Variants in AP3S2 observed in about 807,000 individuals in gnomAD.
AP3S2 encodes adaptor related protein complex 3 subunit sigma 2.
A neutral mutation model predicts 23.4 loss-of-function variants in AP3S2; 22 were observed. That is an observed-to-expected ratio of 0.94 (90% CI 0.67 to 1.34). The LOEUF (loss-of-function observed/expected upper bound fraction) is 1.34. AP3S2 is among the 40% of genes most tolerant of loss of function. The pLI is 0.00. For synonymous variants in AP3S2, 86 were observed against 87.1 expected (o/e 0.99, Z 0.07); for missense variants, 241 against 236.9 (o/e 1.02, Z -0.11).
intron 4 of AP3S2, 116 bp downstream of exon 4, chr15:89,871,359 T>C: frequency 3.1e-6 from 3 of 953,964 alleles, no homozygotes; most frequent in Non-Finnish European, 4.6e-6. Context: ...TCTAGGACTA[T>C]CTTAAGAGTA....
At chr15:89,879,104 C>A (rs925385477) in intron 3 of AP3S2, among the ~76,000 whole-genome samples, 5 of 152,246 alleles carry the variant, frequency 3.3e-5, no homozygotes, top group Non-Finnish European at 7.3e-5. Flanking sequence ...GTCTCAAACT[C>A]CAGGGCTTAA....
At chr15:89,884,615 A>G (rs1409775434) in intron 3 of AP3S2, among the ~76,000 whole-genome samples, 2 of 151,884 alleles carry the variant, frequency 1.3e-5, no homozygotes, top group Non-Finnish European at 2.9e-5. Context: ...ATTTTGTACC[A>G]GTACTAATAC....
Position 89,888,784 on chromosome 15 carries a change from T to G in AP3S2, c.162-152A>C, listed in dbSNP as rs1231624797. The G allele has an allele frequency of 3.3e-6, 3 of 913,738 alleles. No individual in the cohort carries two copies. The African/African-American group carries it at 5.0e-5, about 15-fold the overall frequency. The allele number at this position is 913,738 out of a possible 1,614,324, so 56.6% of individuals were successfully genotyped here. On this transcript the variant is annotated intron_variant, in intron 2 of 5. Transcript: ENST00000336418. Reference sequence around the variant, plus strand: ...CTTACTAGGTGAATGGCAACCAAGTTTGGCAGAGGTACCTAAAGCCACCTT... The same window carrying G: ...CTTACTAGGTGAATGGCAACCAAGTGTGGCAGAGGTACCTAAAGCCACCTT...
intron 5 of AP3S2, among the ~76,000 whole-genome samples, chr15:89,837,172 T>C (rs1895213806): frequency 1.3e-5 from 2 of 152,128 alleles, no homozygotes; most frequent in Admixed American, 1.3e-4. Context: ...ATAAGGAAAT[T>C]GGCAACTCTG....
At position 89,884,438 on chromosome 15, in the gene AP3S2, G is replaced by GAAGAGAC. The variant is rs1178234918; in HGVS notation, c.273+4076_273+4082dup. Among the ~76,000 whole-genome samples the GAAGAGAC allele has an allele frequency of 2.6e-5, 4 of 151,638 alleles. No homozygotes were observed. The East Asian group carries it at 7.7e-4, about 29-fold the overall frequency. ...TTAAAAAAAAACCACTCAACACACA[G>GAAGAGAC]AAGAGACAAAATGCAAAACAAACAA... On this transcript the variant is annotated intron_variant, in intron 3 of 5. Coordinates refer to ENST00000336418, the MANE Select transcript of AP3S2 (RefSeq NM_005829.5).
chr15:89,881,824 T>C (rs995621652), intron 3 of AP3S2, among the ~76,000 whole-genome samples: 2 of 143,844 alleles, frequency 1.4e-5, no homozygotes, highest in African/African-American at 5.1e-5. Context: ...ATACTCTTCA[T>C]TTTTTTTTTT....
At chr15:89,847,163 G>C (rs1260356722) in intron 4 of AP3S2, among the ~76,000 whole-genome samples, 2 of 151,752 alleles carry the variant, frequency 1.3e-5, no homozygotes, top group Non-Finnish European at 2.9e-5. Context: ...GATTGCTTGA[G>C]CCCAGGAGTT....
At chr15:89,892,031 T>C (rs1596226598) in intron 1 of AP3S2, among the ~76,000 whole-genome samples, 1 of 152,350 alleles carries the variant, frequency 6.6e-6, no homozygotes, top group African/African-American at 2.4e-5. Context: ...TATAATGGAA[T>C]ATTATTCAGC....
chr15:89,888,347 A>T (rs1468525257), intron 3 of AP3S2, among the ~76,000 whole-genome samples, 174 bp downstream of exon 3: 3 of 152,222 alleles, frequency 2.0e-5, no homozygotes, highest in African/African-American at 7.2e-5. Context: ...AAACCAATAA[A>T]TCTAAAAGTG....
chr15:89,870,711 A>G (rs1896298789), intron 4 of AP3S2, among the ~76,000 whole-genome samples: 1 of 152,162 alleles, frequency 6.6e-6, no homozygotes, highest in African/African-American at 2.4e-5. Context: ...GCAGTCTCCT[A>G]AAAAATCATC....
chr15:89,871,394 G>T, intron 4 of AP3S2, 81 bp downstream of exon 4: 1 of 1,273,400 alleles, frequency 7.9e-7, no homozygotes, highest in Non-Finnish European at 1.1e-6. Context: ...ACAATATGAA[G>T]ATGTAGAGGT....
chr15:89,874,577 C>A (rs1896398544), intron 3 of AP3S2, among the ~76,000 whole-genome samples: 1 of 152,078 alleles, frequency 6.6e-6, no homozygotes, highest in Non-Finnish European at 1.5e-5. Context: ...GAGTTTGAGA[C>A]CAGCCTGGGC....
chr15:89,871,301 AAAAAC>A (rs778535450), intron 4 of AP3S2, among the ~76,000 whole-genome samples, 169 bp downstream of exon 4: 2 of 152,198 alleles, frequency 1.3e-5, no homozygotes, highest in Non-Finnish European at 2.9e-5. Context: ...AGATCTTAGC[AAAAAC>A]AAAACAAAAC....
rs543988420 is a variant in AP3S2 at position 89,847,251 on chromosome 15, G to T, written c.346-9529C>A. The stretch of plus-strand genomic sequence containing the variant: ...GTTTAAAAACTAGCTGGGCATAGTG[G>T]CACAAGCCTGTAGTTCCAGCTACTC... On this transcript the variant is annotated intron_variant, in intron 4 of 5. Coordinates refer to ENST00000336418, the MANE Select transcript of AP3S2 (RefSeq NM_005829.5). Among the ~76,000 whole-genome samples the T allele has an allele frequency of 2.0e-4, 30 of 151,716 alleles. 1 individual carries two copies. The highest frequency in any genetic ancestry group is 1.9e-3 in the Admixed American group (29 of 15,240).
At position 89,876,258 on chromosome 15, in the gene AP3S2, A is replaced by G. The variant is rs146093134; in HGVS notation, c.274-4712T>C. On this transcript the variant is annotated intron_variant, in intron 3 of 5. Coordinates refer to ENST00000336418, the MANE Select transcript of AP3S2 (RefSeq NM_005829.5). The stretch of plus-strand genomic sequence containing the variant: ...ACATGGCAAAACCCTGTCTCTACTA[A>G]AAATGCAAAAATTAGCCAGGCGTGG... Among the ~76,000 whole-genome samples, 183 of 152,218 alleles carry G rather than the reference A, an allele frequency of 1.2e-3. No homozygotes were observed. The East Asian group carries it at 0.034, about 28-fold the overall frequency.
At chr15:89,865,238 T>C (rs1896090716) in intron 4 of AP3S2, among the ~76,000 whole-genome samples, 1 of 152,006 alleles carries the variant, frequency 6.6e-6, no homozygotes, top group Admixed American at 6.6e-5. Context: ...GGAATATATA[T>C]ATATATATTC....
intron 4 of AP3S2, among the ~76,000 whole-genome samples, chr15:89,853,297 A>G (rs1002663817): frequency 1.3e-5 from 2 of 152,214 alleles, no homozygotes; most frequent in Non-Finnish European, 2.9e-5. Flanking sequence ...CAAATTCACC[A>G]TTTATTGAAC....
chr15:89,858,767 C>T (rs1895928767), intron 4 of AP3S2, among the ~76,000 whole-genome samples: 1 of 152,136 alleles, frequency 6.6e-6, no homozygotes, highest in South Asian at 2.1e-4. Flanking sequence ...ACAACCTTGA[C>T]AAACACTAGG....
intron 1 of AP3S2, among the ~76,000 whole-genome samples, chr15:89,890,209 C>T (rs940514473): frequency 6.6e-6 from 1 of 151,958 alleles, no homozygotes; most frequent in Non-Finnish European, 1.5e-5. Context: ...GCCACCATGC[C>T]CGGCTAATTT....
Sources: allele counts gnomAD v4.1 joint callset (sites outside exome capture counted in the v4.1 genomes callset), GRCh38; gene constraint gnomAD v4.1.1; transcripts MANE v1.5; gene names NCBI Gene and HGNC (gene_info 2026-07-23, HGNC 2026-07-21).